UNC5C: variants seen among roughly 807,000 people sequenced by gnomAD.
UNC5C encodes netrin receptor UNC5C.
In UNC5C, 47 loss-of-function variants were observed where a neutral mutation model predicts 99.8. That is an observed-to-expected ratio of 0.47 (90% CI 0.37 to 0.60). The LOEUF (loss-of-function observed/expected upper bound fraction) is 0.60. UNC5C is among the 20% of genes least tolerant of loss of function. The pLI, the probability that UNC5C is intolerant of heterozygous loss-of-function variation, is 0.00. For synonymous variants in UNC5C, 487 were observed against 452.2 expected, an observed-to-expected ratio of 1.08 and a Z score of -0.98; for missense variants, 1,062 against 1,165.9, an observed-to-expected ratio of 0.91 and a Z score of 1.30.
intron 1 of UNC5C, among the ~76,000 whole-genome samples, chr4:95,475,813 G>C (rs1025950670): frequency 6.6e-6 from 1 of 152,066 alleles, no homozygotes; most frequent in Non-Finnish European, 1.5e-5. Context: ...GCATAAGCCT[G>C]AATAAAAACT....
At chr4:95,436,872 C>A (rs141510694) in intron 1 of UNC5C, among the ~76,000 whole-genome samples, 4 of 151,518 alleles carry the variant, frequency 2.6e-5, no homozygotes, top group African/African-American at 9.7e-5. Flanking sequence ...ATTTCTATGA[C>A]AGATGTACTA....
chr4:95,215,612 TAA>T (rs1230518255), intron 10 of UNC5C, among the ~76,000 whole-genome samples: 1 of 152,058 alleles, frequency 6.6e-6, no homozygotes, highest in Non-Finnish European at 1.5e-5. Flanking sequence ...GTGGAATTTA[TAA>T]GTGTTAAACA....
chr4:95,231,487 C>T (rs908816264), intron 7 of UNC5C, among the ~76,000 whole-genome samples: 5 of 152,064 alleles, frequency 3.3e-5, no homozygotes, highest in African/African-American at 1.2e-4. Flanking sequence ...ACTCTAAGTC[C>T]ACTAGGCTAC....
At chr4:95,377,930 G>A (rs1744944131) in intron 1 of UNC5C, among the ~76,000 whole-genome samples, 2 of 152,288 alleles carry the variant, frequency 1.3e-5, no homozygotes, top group East Asian at 1.9e-4. Context: ...TAACTGACTT[G>A]CTTTAAATAT....
chr4:95,286,779 G>A (rs1441340995), intron 3 of UNC5C, among the ~76,000 whole-genome samples: 1 of 152,166 alleles, frequency 6.6e-6, no homozygotes, highest in Non-Finnish European at 1.5e-5. Context: ...CTTAGCTCCG[G>A]CTGCATGGTG....
At chr4:95,184,163 T>C (rs1368373097) in intron 13 of UNC5C, among the ~76,000 whole-genome samples, 1 of 152,216 alleles carries the variant, frequency 6.6e-6, no homozygotes, top group South Asian at 2.1e-4. Flanking sequence ...GAGCTGTGCA[T>C]AGAGAGTCTG....
chr4:95,508,069 C>T (rs1240188299), intron 1 of UNC5C, among the ~76,000 whole-genome samples: 1 of 151,952 alleles, frequency 6.6e-6, no homozygotes, highest in Non-Finnish European at 1.5e-5. Context: ...ATTTTTCTTC[C>T]AGTCTTCTGC....
At chr4:95,225,722 T>C (rs1738659604) in intron 7 of UNC5C, among the ~76,000 whole-genome samples, 1 of 152,220 alleles carries the variant, frequency 6.6e-6, no homozygotes, top group Non-Finnish European at 1.5e-5. Context: ...AGCCAAACTC[T>C]TATTTTCCTA....
chr4:95,165,065 A>G lies in UNC5C; in HGVS notation c.*4169T>C, dbSNP rs1735809606. On this transcript the variant is annotated 3_prime_UTR_variant, in exon 16 of 16. Coordinates refer to ENST00000453304, the MANE Select transcript of UNC5C (RefSeq NM_003728.4). ...CAAGAGCACAGCTGCTGTGATCCTG[A>G]CAGAGACACACAGAAGGACACGAGA... The G allele has an allele frequency of 1.3e-5, 2 of 152,330 alleles. No individual in the cohort carries two copies. Among genetic ancestry groups the G allele is most frequent in the East Asian group, 1.9e-4 (1 of 5,176 alleles). The allele number at this position is 152,330 out of a possible 1,614,324, so 9.4% of individuals were successfully genotyped here.
At chr4:95,343,420 C>A (rs1017924250) in intron 1 of UNC5C, among the ~76,000 whole-genome samples, 2 of 152,104 alleles carry the variant, frequency 1.3e-5, no homozygotes. Flanking sequence ...GACCACAAGA[C>A]CTCTATGAGT....
intron 1 of UNC5C, among the ~76,000 whole-genome samples, chr4:95,408,172 T>C (rs568917243): frequency 3.7e-4 from 56 of 152,310 alleles, no homozygotes; most frequent in Non-Finnish European, 7.2e-4. Context: ...AGCAGATTTT[T>C]ATAAAAATTG....
chr4:95,479,116 T>C (rs1721056047), intron 1 of UNC5C, among the ~76,000 whole-genome samples: 1 of 152,050 alleles, frequency 6.6e-6, no homozygotes, highest in Admixed American at 6.6e-5. Flanking sequence ...TACTCCTTTA[T>C]GGAAAAACAA....
At chr4:95,216,264 G>T in intron 9 of UNC5C, 53 bp from the exon 10 acceptor site, 1 of 1,440,680 alleles carries the variant, frequency 6.9e-7, no homozygotes, top group Non-Finnish European at 9.6e-7. Flanking sequence ...GCACGTAAAA[G>T]GGAATGAGGA....
intron 1 of UNC5C, among the ~76,000 whole-genome samples, chr4:95,460,625 A>T (rs1307601424): frequency 6.6e-5 from 10 of 152,134 alleles, no homozygotes; most frequent in Non-Finnish European, 1.5e-4. Flanking sequence ...TTCTGCCACG[A>T]TTGTGAGGCG....
intron 1 of UNC5C, among the ~76,000 whole-genome samples, chr4:95,380,200 T>G (rs950979836): frequency 6.6e-6 from 1 of 152,198 alleles, no homozygotes; most frequent in Non-Finnish European, 1.5e-5. Context: ...TTTAGCTATA[T>G]TCCCATATCT....
At position 95,371,096 on chromosome 4, in the gene UNC5C, A is replaced by G. The variant is rs114511199; in HGVS notation, c.125-35465T>C. 9.6e-3 allele frequency among the ~76,000 whole-genome samples: 1,466 copies of G among 152,290 alleles called. 25 individuals carry two copies. The highest frequency in any genetic ancestry group is 0.033 in the African/African-American group (1,375 of 41,562). On this transcript the variant is annotated intron_variant, in intron 1 of 15. Coordinates refer to ENST00000453304, the MANE Select transcript of UNC5C (RefSeq NM_003728.4). ...AGAAATTAGAAACTTCTAGTTGTTT[A>G]TTGATAAAGTTACTTTAAACATTGT...
intron 5 of UNC5C, 35 bp from the exon 6 acceptor site, chr4:95,245,179 CAT>C (rs767501496): frequency 5.3e-5 from 85 of 1,597,838 alleles, no homozygotes; most frequent in African/African-American, 3.1e-4. Context: ...GTGGATTAAA[CAT>C]GTGTGCATGC....
intron 2 of UNC5C, among the ~76,000 whole-genome samples, chr4:95,322,771 C>T: frequency 6.6e-6 from 1 of 151,236 alleles, no homozygotes; most frequent in East Asian, 2.0e-4. Context: ...AAATGCCGTC[C>T]CTACCAAAAA....
intron 7 of UNC5C, among the ~76,000 whole-genome samples, chr4:95,239,564 G>T (rs1239790625): frequency 5.9e-5 from 9 of 152,064 alleles, no homozygotes; most frequent in Non-Finnish European, 2.9e-5. Context: ...TGGTTATATT[G>T]GTGTCCACTC....
Sources: allele counts gnomAD v4.1 joint callset (sites outside exome capture counted in the v4.1 genomes callset), GRCh38; gene constraint gnomAD v4.1.1; transcripts MANE v1.5; gene names NCBI Gene and HGNC (gene_info 2026-07-23, HGNC 2026-07-21).